Variants in MDGA2 observed in about 807,000 individuals in gnomAD.
The protein encoded by MDGA2 is MAM domain-containing glycosylphosphatidylinositol anchor protein 2.
Under a neutral mutation model 117.8 loss-of-function variants are expected in MDGA2, and 40 were observed. That is an observed-to-expected ratio of 0.34 (90% confidence interval 0.26 to 0.44). The LOEUF is 0.44. Among genes scored for constraint, MDGA2 ranks in the 20% least tolerant of loss-of-function variants. MDGA2 has a pLI of 1.00. For synonymous variants in MDGA2, 452 were observed against 439.0 expected (o/e 1.03, Z -0.37); for missense variants, 1,123 against 1,250.6 (o/e 0.90, Z 1.54).
rs904572726 is a variant in MDGA2, at chr14:47,569,089, T to C, written c.280+105428A>G. ...ATATCTAACCTTGTGGAGTTTTTTG[T>C]TTTTAATACCTTTATTTGCTTTTCA... is the stretch of plus-strand genomic sequence containing the variant. On this transcript the variant is annotated intron_variant, in intron 1 of 16. Coordinates refer to ENST00000399232, the MANE Select transcript of MDGA2 (RefSeq NM_001113498.3). Among the ~76,000 whole-genome samples, 12 of 152,264 alleles carry C rather than the reference T, an allele frequency of 7.9e-5. No individual in the cohort carries two copies. In the East Asian group the frequency reaches 1.5e-3, roughly 20 times the overall value.
At position 47,623,617 on chromosome 14, in the gene MDGA2, C is replaced by A. The variant is rs1258738780; in HGVS notation, c.280+50900G>T. 2.6e-5 allele frequency among the ~76,000 whole-genome samples: 4 copies of A among 152,064 alleles called. No individual in the cohort carries two copies. The East Asian group carries it at 7.7e-4, about 29-fold the overall frequency. On this transcript the variant is annotated intron_variant, in intron 1 of 16. Coordinates refer to ENST00000399232, the MANE Select transcript of MDGA2 (RefSeq NM_001113498.3). ...CTTCCCTTTATTTCAAATGCTTTCC[C>A]ATTCATCATAAACACCTCATTTAAT...
At chr14:47,234,493 C>G (rs907315473) in intron 2 of MDGA2, among the ~76,000 whole-genome samples, 3 of 151,988 alleles carry the variant, frequency 2.0e-5, no homozygotes, top group African/African-American at 7.2e-5. Context: ...GCACATCTAC[C>G]ACTGCAGCTT....
chr14:47,397,494 C>CA (rs946484472), intron 1 of MDGA2, among the ~76,000 whole-genome samples: 12 of 149,176 alleles, frequency 8.0e-5, no homozygotes, highest in East Asian at 2.0e-4. Context: ...AAAAGATGAC[C>CA]AAAAAAAAAC....
At chr14:47,669,739 T>C (rs973194114) in intron 1 of MDGA2, among the ~76,000 whole-genome samples, 2 of 152,170 alleles carry the variant, frequency 1.3e-5, no homozygotes, top group Non-Finnish European at 1.5e-5. Flanking sequence ...GAGCTTCACA[T>C]TGATTTTTTA....
At chr14:47,094,304 A>C (rs1222485501) in intron 6 of MDGA2, among the ~76,000 whole-genome samples, 1 of 152,096 alleles carries the variant, frequency 6.6e-6, no homozygotes, top group Non-Finnish European at 1.5e-5. Context: ...ATAAAATTGA[A>C]GAAATAAATT....
chr14:47,308,502 G>GTTT (rs68070912), intron 1 of MDGA2, among the ~76,000 whole-genome samples: 1 of 112,918 alleles, frequency 8.9e-6, no homozygotes, highest in Non-Finnish European at 1.9e-5. Context: ...CTTTCTGTTA[G>GTTT]TTTTTTTTTT....
At chr14:47,203,327 G>A (rs1284346672) in intron 3 of MDGA2, among the ~76,000 whole-genome samples, 1 of 151,956 alleles carries the variant, frequency 6.6e-6, no homozygotes, top group East Asian at 1.9e-4. Flanking sequence ...CATGACATGG[G>A]AGTTGATGAC....
intron 2 of MDGA2, among the ~76,000 whole-genome samples, chr14:47,250,644 A>C (rs1384057832): frequency 6.6e-6 from 1 of 152,150 alleles, no homozygotes; most frequent in East Asian, 1.9e-4. Flanking sequence ...CAGCACTTTG[A>C]TCTTGGACTT....
intron 6 of MDGA2, among the ~76,000 whole-genome samples, chr14:47,068,066 A>G (rs1890147408): frequency 6.6e-6 from 1 of 152,262 alleles, no homozygotes; most frequent in South Asian, 2.1e-4. Context: ...GTAGAGTCAG[A>G]CGATGAAATG....
intron 1 of MDGA2, among the ~76,000 whole-genome samples, chr14:47,520,970 A>C (rs925100651): frequency 6.6e-6 from 1 of 152,170 alleles, no homozygotes; most frequent in Admixed American, 6.5e-5. Context: ...CGAGAATTTT[A>C]TTTCTTTTCT....
At chr14:47,658,634 G>T (rs538288729) in intron 1 of MDGA2, among the ~76,000 whole-genome samples, 14 of 152,188 alleles carry the variant, frequency 9.2e-5, no homozygotes, top group Admixed American at 3.9e-4. Context: ...GTCTAAGATG[G>T]GGTGTAACAT....
At chr14:47,594,406 C>T (rs1301103928) in intron 1 of MDGA2, among the ~76,000 whole-genome samples, 1 of 152,302 alleles carries the variant, frequency 6.6e-6, no homozygotes, top group Non-Finnish European at 1.5e-5. Flanking sequence ...AGAGCATGTG[C>T]ATAAATTCAA....
chr14:46,940,027 A>G (rs1389686002), intron 9 of MDGA2, among the ~76,000 whole-genome samples: 2 of 152,132 alleles, frequency 1.3e-5, no homozygotes. Flanking sequence ...CTCCTAATTT[A>G]CAGAGTTATT....
At chr14:46,936,736 A>C (rs1026856970) in intron 9 of MDGA2, among the ~76,000 whole-genome samples, 1 of 152,092 alleles carries the variant, frequency 6.6e-6, no homozygotes, top group African/African-American at 2.4e-5. Context: ...CTTCATAAAA[A>C]AAAAACCAAA....
At chr14:47,664,053 G>A (rs1897897998) in intron 1 of MDGA2, among the ~76,000 whole-genome samples, 1 of 152,074 alleles carries the variant, frequency 6.6e-6, no homozygotes, top group Non-Finnish European at 1.5e-5. Flanking sequence ...AAATGAGGGG[G>A]AGGATGCCAG....
intron 1 of MDGA2, among the ~76,000 whole-genome samples, chr14:47,647,180 T>C (rs936089912): frequency 2.6e-5 from 4 of 152,146 alleles, no homozygotes; most frequent in Admixed American, 6.5e-5. Context: ...TTAAAAATAC[T>C]CTAAGATTTT....
chr14:47,385,538 G>A, intron 1 of MDGA2, among the ~76,000 whole-genome samples: 1 of 152,182 alleles, frequency 6.6e-6, no homozygotes. Flanking sequence ...TTATTCAAGA[G>A]AAGAACACTG....
At chr14:47,021,394 G>A (rs1057452038) in intron 8 of MDGA2, among the ~76,000 whole-genome samples, 4 of 151,846 alleles carry the variant, frequency 2.6e-5, no homozygotes, top group East Asian at 1.9e-4. Flanking sequence ...TTAATTCATC[G>A]GGCACTGAAA....
chr14:46,996,929 ACC>A, intron 8 of MDGA2: 5 of 386,344 alleles, frequency 1.3e-5, no homozygotes, highest in Non-Finnish European at 2.5e-5. Flanking sequence ...CCTAGCAGCA[ACC>A]CAGGAATGGG....
Sources: allele counts gnomAD v4.1 joint callset (sites outside exome capture counted in the v4.1 genomes callset), GRCh38; gene constraint gnomAD v4.1.1; transcripts MANE v1.5; gene names NCBI Gene and HGNC (gene_info 2026-07-23, HGNC 2026-07-21).